Variants in LANCL3 observed in about 807,000 individuals in gnomAD.
The protein encoded by LANCL3 is LanC like family member 3.
LANCL3 carries 19 observed loss-of-function variants against 26.5 expected under a neutral mutation model. The observed-to-expected ratio is 0.72, with a 90% CI of 0.50 to 1.05. The LOEUF (loss-of-function observed/expected upper bound fraction) is 1.05. Among genes scored for constraint, LANCL3 ranks in the 50% least tolerant of loss-of-function variants. The probability of loss-of-function intolerance (pLI) is 0.00; values close to 1 mark genes in which losing one functional copy is unlikely to be tolerated. For synonymous variants in LANCL3, 160 were observed against 166.6 expected, an observed-to-expected ratio of 0.96 and a Z score of 0.30; for missense variants, 318 against 362.7, an observed-to-expected ratio of 0.88 and a Z score of 1.00.
At position 37,683,510 on chromosome X, in the gene LANCL3, A is replaced by T. The variant is rs1330890794; in HGVS notation, c.*7697A>T. On this transcript the variant is annotated 3_prime_UTR_variant, in exon 5 of 5. Coordinates refer to ENST00000378619, the MANE Select transcript of LANCL3 (RefSeq NM_001170331.2). ...ATCCTACTAATTTCCATTAGCACTAAATCAAACAGCACTTATCTGTTGTAT... is the reference window on the plus strand; with the variant it reads ...ATCCTACTAATTTCCATTAGCACTATATCAAACAGCACTTATCTGTTGTAT... 1 of 112,271 alleles carries T rather than the reference A, an allele frequency of 8.9e-6. No homozygotes were observed. The highest frequency in any genetic ancestry group is 1.9e-5 in the Non-Finnish European group (1 of 53,202). The allele number at this position is 112,271 out of a possible 1,213,427, so 9.3% of individuals were successfully genotyped here.
chrX:37,667,598 A>G, intron 4 of LANCL3, 109 bp downstream of exon 4: 2 of 579,011 alleles, frequency 3.5e-6, no homozygotes, highest in Non-Finnish European at 5.0e-6. Context: ...TAAATACATC[A>G]ACTGTGCCTT....
At chrX:37,633,614 A>T in intron 1 of LANCL3, among the ~76,000 whole-genome samples, 1 of 110,959 alleles carries the variant, frequency 9.0e-6, no homozygotes, top group Non-Finnish European at 1.9e-5. Context: ...TTTGGTGTGG[A>T]TGTCCTTTCT....
At chrX:37,601,543 A>G (rs782271681) in intron 1 of LANCL3, among the ~76,000 whole-genome samples, 5 of 112,392 alleles carry the variant, frequency 4.4e-5, no homozygotes, top group Non-Finnish European at 9.4e-5. Context: ...GATAGAAAAT[A>G]TGACTTACAG....
intron 1 of LANCL3, among the ~76,000 whole-genome samples, chrX:37,632,497 T>G (rs1925554035): frequency 9.0e-6 from 1 of 111,273 alleles, no homozygotes; most frequent in Non-Finnish European, 1.9e-5. Flanking sequence ...CCTGTCATTG[T>G]GATGTTAGCT....
intron 1 of LANCL3, among the ~76,000 whole-genome samples, chrX:37,647,817 G>A (rs1329616279): frequency 1.8e-5 from 2 of 112,638 alleles, no homozygotes; most frequent in Admixed American, 9.4e-5. Flanking sequence ...ACCTTAAGAC[G>A]CATACTCCGT....
At position 37,594,212 on chromosome X, in the gene LANCL3, A is replaced by T. The variant is rs782247354; in HGVS notation, c.573+21769A>T. Among the ~76,000 whole-genome samples, 22 of 112,155 alleles carry T rather than the reference A, an allele frequency of 2.0e-4. 1 individual carries two copies. The South Asian group carries it at 6.0e-3, about 30-fold the overall frequency. On this transcript the variant is annotated intron_variant, in intron 1 of 4. Transcript: ENST00000378619. ...AGTTTTTCATGGCAGTGACTCTAAG[A>T]TACTCCAAGTTTTTAAAATGCTTTC...
In LANCL3 at chrX:37,677,082, G is replaced by A. The variant is rs1309484967; in HGVS notation, c.*1269G>A. The A allele has an allele frequency of 2.7e-5, 3 of 110,479 alleles. No homozygotes were observed. The East Asian group carries it at 8.4e-4, about 31-fold the overall frequency. 9.1% of individuals were successfully genotyped at this position (110,479 alleles called of 1,213,427 possible). On this transcript the variant is annotated 3_prime_UTR_variant, in exon 5 of 5. Transcript: ENST00000378619. ...CAATTGCATATATCAGATTGAGTAG[G>A]AAATTGTGTACTGTATAAGACTTAT...
chrX:37,675,725 A>G lies in LANCL3; in HGVS notation c.1175A>G (p.Tyr392Cys). 1 of 1,161,075 alleles carries G rather than the reference A, an allele frequency of 8.6e-7. No individual in the cohort carries two copies. Among genetic ancestry groups the G allele is most frequent in the South Asian group, 1.9e-5 (1 of 52,039 alleles). ...SRVLESIYSL[Y>C]EGFSGTVCFL... ...GTCCTTGAAAGTATATACAGCTTGT[A>G]TGAAGGCTTCTCTGGGACAGTGTGC... The change falls in exon 5 of 5, where the codon TAT becomes TGT. Residue 392 changes from tyrosine (Y) to cysteine (C), a missense_variant. Coordinates refer to ENST00000378619, the MANE Select transcript of LANCL3 (RefSeq NM_001170331.2).
At chrX:37,631,962 A>G (rs1434747726) in intron 1 of LANCL3, among the ~76,000 whole-genome samples, 1 of 110,795 alleles carries the variant, frequency 9.0e-6, no homozygotes, top group Non-Finnish European at 1.9e-5. Context: ...GTAGATGTCT[A>G]TTAGGTCTGC....
At chrX:37,611,587 A>G (rs1181042787) in intron 1 of LANCL3, among the ~76,000 whole-genome samples, 1 of 111,846 alleles carries the variant, frequency 8.9e-6, no homozygotes, top group Non-Finnish European at 1.9e-5. Flanking sequence ...TACATAAGGG[A>G]AAGGAAAGGA....
intron 1 of LANCL3, among the ~76,000 whole-genome samples, chrX:37,634,035 G>C (rs1380851234): frequency 4.4e-5 from 5 of 112,699 alleles, no homozygotes; most frequent in African/African-American, 6.4e-5. Context: ...TGCCCCCAGA[G>C]GTGGAGCCTA....
chrX:37,674,479 A>G (rs1404832707), intron 4 of LANCL3, among the ~76,000 whole-genome samples: 1 of 111,308 alleles, frequency 9.0e-6, no homozygotes, highest in African/African-American at 3.3e-5. Context: ...TTTCCTTTGG[A>G]ATCCTGTGTG....
At chrX:37,578,980 T>TTA (rs1435119643) in intron 1 of LANCL3, among the ~76,000 whole-genome samples, 4 of 53,712 alleles carry the variant, frequency 7.4e-5, no homozygotes, top group African/African-American at 2.9e-4. Flanking sequence ...ACTCCATCTC[T>TTA]AAAAAAAAAA....
chrX:37,659,113 G>C (rs1216380997), intron 2 of LANCL3, among the ~76,000 whole-genome samples: 1 of 112,879 alleles, frequency 8.9e-6, no homozygotes, highest in Non-Finnish European at 1.9e-5. Flanking sequence ...AATTTTTTCT[G>C]TAAAGGGCTA....
At chrX:37,653,355 A>G (rs1386566700) in intron 1 of LANCL3, among the ~76,000 whole-genome samples, 1 of 112,060 alleles carries the variant, frequency 8.9e-6, no homozygotes, top group African/African-American at 3.2e-5. Flanking sequence ...GCCAATTTTC[A>G]GTTATAGGCA....
At chrX:37,588,262 C>T (rs1329572374) in intron 1 of LANCL3, among the ~76,000 whole-genome samples, 10 of 111,498 alleles carry the variant, frequency 9.0e-5, no homozygotes, top group African/African-American at 1.3e-4. Flanking sequence ...AGTGACAGGG[C>T]GGTCCTGTAG....
At chrX:37,668,387 A>T (rs782005911) in intron 4 of LANCL3, 2 of 405,155 alleles carry the variant, frequency 4.9e-6, no homozygotes, top group Non-Finnish European at 9.0e-6. Context: ...TGTAAACTTG[A>T]TAAAGATGGA....
intron 1 of LANCL3, among the ~76,000 whole-genome samples, chrX:37,627,554 C>A (rs1925350548): frequency 9.0e-6 from 1 of 111,669 alleles, no homozygotes; most frequent in Admixed American, 9.5e-5. Context: ...CACAGCACAC[C>A]TACTGACTCT....
At chrX:37,586,704 T>G (rs1924094784) in intron 1 of LANCL3, among the ~76,000 whole-genome samples, 1 of 111,861 alleles carries the variant, frequency 8.9e-6, no homozygotes, top group African/African-American at 3.3e-5. Flanking sequence ...TCATCTAATC[T>G]TCTTTCAAGG....
Sources: gnomAD v4.1 joint callset for allele counts (sites outside exome capture counted in the v4.1 genomes callset) on GRCh38, gnomAD v4.1.1 for gene constraint, MANE v1.5 for transcripts, NCBI Gene and HGNC (gene_info 2026-07-23, HGNC 2026-07-21) for gene names.